The following TLN2 variants were observed in gnomAD, a reference collection of about 807,000 sequenced individuals.
The protein encoded by TLN2 is talin-2.
Under a neutral mutation model 294.7 loss-of-function variants are expected in TLN2, and 118 were observed. The observed-to-expected ratio is 0.40, with a 90% CI of 0.34 to 0.47. TLN2 has a LOEUF of 0.47. TLN2 is among the 20% of genes least tolerant of loss of function. The pLI, the probability that TLN2 is intolerant of heterozygous loss-of-function variation, is 0.84. For missense variants in TLN2, 3,083 were observed against 3,282.2 expected, an observed-to-expected ratio of 0.94 and a Z score of 1.48; for synonymous variants, 1,431 against 1,304.5, an observed-to-expected ratio of 1.10 and a Z score of -2.09.
At chr15:62,676,509 A>G (rs1293770608) in intron 11 of TLN2, among the ~76,000 whole-genome samples, 2 of 152,188 alleles carry the variant, frequency 1.3e-5, no homozygotes, top group Non-Finnish European at 2.9e-5. Context: ...CAGTGACTCC[A>G]CTTACCAATA....
At chr15:62,653,810 T>C (rs375865002) in intron 7 of TLN2, among the ~76,000 whole-genome samples, 2 of 152,188 alleles carry the variant, frequency 1.3e-5, no homozygotes, top group Non-Finnish European at 2.9e-5. Context: ...ATATCAGATA[T>C]ACAAATCATG....
At chr15:62,420,829 A>ATT (rs2034349675) in intron 1 of TLN2, among the ~76,000 whole-genome samples, 3 of 152,194 alleles carry the variant, frequency 2.0e-5, no homozygotes, top group Non-Finnish European at 2.9e-5. Context: ...AAACAAGTTT[A>ATT]TTGGGGGTCT....
chr15:62,609,546 G>C (rs1218758541), intron 2 of TLN2, among the ~76,000 whole-genome samples: 1 of 152,214 alleles, frequency 6.6e-6, no homozygotes, highest in Non-Finnish European at 1.5e-5. Context: ...TGAAAGGCCA[G>C]TTATTTTGTA....
chr15:62,468,917 G>A (rs1450100597), intron 1 of TLN2, among the ~76,000 whole-genome samples: 3 of 152,194 alleles, frequency 2.0e-5, no homozygotes, highest in Non-Finnish European at 4.4e-5. Flanking sequence ...GGCCTGGCAG[G>A]TGAGCAGAAG....
intron 11 of TLN2, among the ~76,000 whole-genome samples, chr15:62,676,090 T>C (rs2056154754): frequency 6.6e-6 from 1 of 152,192 alleles, no homozygotes; most frequent in African/African-American, 2.4e-5. Context: ...AAACCAGCCG[T>C]GTTGCGGCTG....
In TLN2 at chr15:62,805,617, C is replaced by G. The variant is rs778122084; in HGVS notation, c.6495C>G (p.Asp2165Glu). Residue 2165 changes from aspartate to glutamate, a missense_variant, in exon 51 of 59, where the codon GAC becomes GAG. By Grantham distance (45) the Asp-to-Glu change is conservative (BLOSUM62 2). Coordinates refer to ENST00000636159, the MANE Select transcript of TLN2 (RefSeq NM_015059.3). Reference sequence around the variant, plus strand: ...ACTTCCAGGTGTTCCAGTCAAAAGACGTACCTGAAAAGACATCATCACCTG... The same window carrying G: ...ACTTCCAGGTGTTCCAGTCAAAAGAGGTACCTGAAAAGACATCATCACCTG... ...KQELTVFQSK[D>E]VPEKTSSPEE... 3.7e-6 allele frequency: 6 copies of G among 1,606,168 alleles called. No homozygotes were observed. Among genetic ancestry groups the G allele is most frequent in the East Asian group, 4.5e-5 (2 of 44,706 alleles).
chr15:62,825,957 C>T (rs565465668), intron 54 of TLN2, among the ~76,000 whole-genome samples: 9 of 142,264 alleles, frequency 6.3e-5, no homozygotes, highest in Non-Finnish European at 1.0e-4. Flanking sequence ...ACTTGGGAGG[C>T]GGAGGTTGCC....
intron 3 of TLN2, among the ~76,000 whole-genome samples, chr15:62,623,258 T>G (rs145162421): frequency 2.0e-5 from 3 of 152,374 alleles, no homozygotes; most frequent in South Asian, 2.1e-4. Context: ...TGTAGCACTT[T>G]AGAATTATTC....
chr15:62,551,333 T>C (rs2042288828), intron 1 of TLN2, among the ~76,000 whole-genome samples: 1 of 152,070 alleles, frequency 6.6e-6, no homozygotes, highest in Non-Finnish European at 1.5e-5. Flanking sequence ...AGACTGTACT[T>C]CTTAATTCCT....
chr15:62,717,476 A>G, intron 23 of TLN2, 100 bp from the exon 24 acceptor site: 1 of 717,894 alleles, frequency 1.4e-6, no homozygotes, highest in Non-Finnish European at 2.1e-6. Flanking sequence ...GAGTTCTTTT[A>G]GAGCCACAAA....
In TLN2 at chr15:62,441,299, A is replaced by G. The variant is rs2035532919; in HGVS notation, c.-238+50614A>G. On this transcript the variant is annotated intron_variant, in intron 1 of 58. Transcript: ENST00000636159. ...CAGGCTGGAGTGCAGTGGCACAATC[A>G]TAGCTCACTGCAGCCTCGAACTCCT... 2.0e-5 allele frequency among the ~76,000 whole-genome samples: 3 copies of G among 152,150 alleles called. No homozygotes were observed. In the South Asian group the frequency reaches 6.2e-4, roughly 31 times the overall value.
At chr15:62,614,752 A>G (rs1034739387) in intron 2 of TLN2, among the ~76,000 whole-genome samples, 6 of 152,208 alleles carry the variant, frequency 3.9e-5, no homozygotes, top group African/African-American at 1.4e-4. Context: ...TCTTCAACAT[A>G]TGTCTCTGAA....
At chr15:62,590,370 G>A (rs1250875016) in intron 2 of TLN2, among the ~76,000 whole-genome samples, 3 of 151,986 alleles carry the variant, frequency 2.0e-5, no homozygotes, top group African/African-American at 4.8e-5. Context: ...CATTGTTTCC[G>A]TGTGTTCTCA....
chr15:62,777,647 T>A (rs1214617405), intron 43 of TLN2, among the ~76,000 whole-genome samples: 1 of 152,172 alleles, frequency 6.6e-6, no homozygotes, highest in Non-Finnish European at 1.5e-5. Context: ...TCAATTGGGT[T>A]ACATTTTAAC....
intron 1 of TLN2, among the ~76,000 whole-genome samples, chr15:62,523,156 T>C (rs529206902): frequency 1.3e-5 from 2 of 152,324 alleles, no homozygotes; most frequent in African/African-American, 4.8e-5. Flanking sequence ...AAGTACATCA[T>C]GGCACAGCTG....
At chr15:62,460,522 C>G (rs1158171334) in intron 1 of TLN2, among the ~76,000 whole-genome samples, 1 of 152,136 alleles carries the variant, frequency 6.6e-6, no homozygotes, top group East Asian at 1.9e-4. Context: ...CTCGGCCTCC[C>G]AAAGTGCTGG....
chr15:62,476,088 A>G (rs2037768633), intron 1 of TLN2, among the ~76,000 whole-genome samples: 1 of 152,136 alleles, frequency 6.6e-6, no homozygotes, highest in Non-Finnish European at 1.5e-5. Context: ...ACGGTGGGAT[A>G]TTTGCAGAGA....
At position 62,736,855 on chromosome 15, in the gene TLN2, A is replaced by G. The variant is rs1276886932; in HGVS notation, c.3359-23A>G. On this transcript the variant is annotated intron_variant, in intron 28 of 58. Coordinates refer to ENST00000636159, the MANE Select transcript of TLN2 (RefSeq NM_015059.3). Reference sequence around the variant, plus strand: ...CCATTTAGATGGAGTCTAATTGGAAATCTGATGGACTTTTTCCCCCAGGGG... The same window carrying G: ...CCATTTAGATGGAGTCTAATTGGAAGTCTGATGGACTTTTTCCCCCAGGGG... 3 of 1,609,480 alleles carry G rather than the reference A, an allele frequency of 1.9e-6. No individual in the cohort carries two copies. The African/African-American group carries it at 4.0e-5, about 22-fold the overall frequency.
At chr15:62,610,982 A>G (rs1439437732) in intron 2 of TLN2, among the ~76,000 whole-genome samples, 3 of 152,076 alleles carry the variant, frequency 2.0e-5, no homozygotes, top group African/African-American at 7.2e-5. Flanking sequence ...CTGGGCCACC[A>G]TGGCACCCCC....
Sources: gnomAD v4.1 joint callset for allele counts (sites outside exome capture counted in the v4.1 genomes callset) on GRCh38, gnomAD v4.1.1 for gene constraint, MANE v1.5 for transcripts, NCBI Gene and HGNC (gene_info 2026-07-23, HGNC 2026-07-21) for gene names.